Variants in ZIM2 observed in about 807,000 individuals in gnomAD.
The protein encoded by ZIM2 is zinc finger imprinted 2, also known as zinc finger protein 656.
In ZIM2, 14 loss-of-function variants were observed where a neutral mutation model predicts 38.6. The observed-to-expected ratio is 0.36, with a 90% confidence interval of 0.24 to 0.57. The LOEUF (loss-of-function observed/expected upper bound fraction) is 0.57. Among genes scored for constraint, ZIM2 ranks in the 20% least tolerant of loss-of-function variants. ZIM2 has a pLI of 0.81. For synonymous variants in ZIM2, 247 were observed against 245.8 expected (o/e 1.00, Z -0.04); for missense variants, 680 against 695.1 (o/e 0.98, Z 0.24).
At chr19:56,830,527 G>A (rs1287181998) in intron 2 of ZIM2, among the ~76,000 whole-genome samples, 3 of 152,134 alleles carry the variant, frequency 2.0e-5, no homozygotes. Context: ...TCTGGAAGTG[G>A]GGACAAGGAA....
At chr19:56,817,502 T>A (rs1362407666) in intron 9 of ZIM2, 1 of 1,612,366 alleles carries the variant, frequency 6.2e-7, no homozygotes, top group African/African-American at 1.3e-5. Context: ...TTTTCCATTA[T>A]CACTCCGTGG....
intron 9 of ZIM2, chr19:56,815,398 G>C (rs1600912949): frequency 6.2e-7 from 1 of 1,614,168 alleles, no homozygotes; most frequent in South Asian, 1.1e-5. Flanking sequence ...ACTTGTTTGA[G>C]GGTCAGTAGG....
At chr19:56,837,682 T>C (rs998691581) in intron 1 of ZIM2, among the ~76,000 whole-genome samples, 3 of 152,150 alleles carry the variant, frequency 2.0e-5, no homozygotes, top group African/African-American at 7.2e-5. Flanking sequence ...AAGGCTCCAG[T>C]GCAGGCCCCA....
intron 9 of ZIM2, among the ~76,000 whole-genome samples, chr19:56,797,753 T>C (rs371770682): frequency 6.6e-6 from 1 of 152,148 alleles, no homozygotes; most frequent in Non-Finnish European, 1.5e-5. Context: ...GGGACCACTT[T>C]TGGGGGATTG....
chr19:56,780,238 CTTTTTTCT>C (rs2046254775), intron 11 of ZIM2, among the ~76,000 whole-genome samples: 2 of 134,224 alleles, frequency 1.5e-5, no homozygotes, highest in Non-Finnish European at 3.1e-5. Context: ...TGCTTATTTT[CTTTTTTCT>C]TTTTTTTTTT....
intron 12 of ZIM2, among the ~76,000 whole-genome samples, chr19:56,776,206 A>G (rs2045999066): frequency 6.6e-6 from 1 of 152,148 alleles, no homozygotes; most frequent in Non-Finnish European, 1.5e-5. Flanking sequence ...AGATGCCACA[A>G]TTGTACAGAG....
chr19:56,800,490 C>G (rs1218768585), intron 9 of ZIM2, among the ~76,000 whole-genome samples: 1 of 151,938 alleles, frequency 6.6e-6, no homozygotes, highest in Non-Finnish European at 1.5e-5. Flanking sequence ...GTAAGAATTG[C>G]AATAATATAT....
intron 10 of ZIM2, chr19:56,782,334 T>C (rs2046369607): frequency 3.3e-6 from 2 of 597,232 alleles, no homozygotes; most frequent in Non-Finnish European, 5.7e-6. Flanking sequence ...GGGGGAAATA[T>C]CCTTTTAAGC....
Position 56,774,584 on chromosome 19 carries a change from A to C in ZIM2, c.*104T>G, listed in dbSNP as rs113122118. Reference sequence around the variant, plus strand: ...TTTACCACACTTTGATGAATGTTCAAGTTGTTAACAAGGTGGGGCTAGTGA... The same window carrying C: ...TTTACCACACTTTGATGAATGTTCACGTTGTTAACAAGGTGGGGCTAGTGA... On this transcript the variant is annotated 3_prime_UTR_variant, in exon 13 of 13. Transcript: ENST00000629319. 9.5e-6 allele frequency: 14 copies of C among 1,471,662 alleles called. No homozygotes were observed. In the African/African-American group the frequency reaches 1.6e-4, roughly 16 times the overall value. 91.2% of individuals were successfully genotyped at this position (1,471,662 alleles called of 1,614,324 possible). A position where few individuals can be genotyped will look rare whatever the true frequency, so the allele number is the denominator to read the frequency against.
intron 2 of ZIM2, among the ~76,000 whole-genome samples, chr19:56,829,587 A>C (rs1429245337): frequency 6.6e-6 from 1 of 152,212 alleles, no homozygotes; most frequent in Non-Finnish European, 1.5e-5. Flanking sequence ...AGGCAGGAAG[A>C]GGAAGTGCTG....
At chr19:56,789,727 A>T in intron 10 of ZIM2, 145 bp downstream of exon 10, 3 of 636,088 alleles carry the variant, frequency 4.7e-6, no homozygotes, top group Non-Finnish European at 7.1e-6. Context: ...ATGTCAGATT[A>T]GTCAGAAAAA....
intron 9 of ZIM2, chr19:56,811,444 A>G: frequency 2.1e-6 from 2 of 937,880 alleles, no homozygotes; most frequent in Non-Finnish European, 2.5e-6. Flanking sequence ...TTGCTACATA[A>G]CTCGTGATTA....
Position 56,786,456 on chromosome 19 carries a change from T to A in ZIM2, c.570+3416A>T, listed in dbSNP as rs148044631. 2.2e-3 allele frequency among the ~76,000 whole-genome samples: 331 copies of A among 152,290 alleles called. 2 individuals carry two copies. Among genetic ancestry groups the A allele is most frequent in the African/African-American group, 7.8e-3 (323 of 41,548 alleles). On this transcript the variant is annotated intron_variant, in intron 10 of 12. Transcript: ENST00000629319. Reference sequence around the variant, plus strand: ...GACACTACCAGAATCATTTGTATAATCTTGTACAACCTGAAAAAAGTTTTA... The same window carrying A: ...GACACTACCAGAATCATTTGTATAAACTTGTACAACCTGAAAAAAGTTTTA...
intron 9 of ZIM2, among the ~76,000 whole-genome samples, chr19:56,807,124 G>A (rs2047795309): frequency 6.6e-6 from 1 of 152,166 alleles, no homozygotes; most frequent in Non-Finnish European, 1.5e-5. Context: ...ATGAATTAAG[G>A]TGGCTTGGGA....
Position 56,814,005 on chromosome 19 carries a change from G to A in ZIM2, c.490+3741C>T, listed in dbSNP as rs369385559. On this transcript the variant is annotated intron_variant, in intron 9 of 12. Coordinates refer to ENST00000629319, the MANE Select transcript of ZIM2 (RefSeq NM_001387356.1). The surrounding 1 kb of genome is among the most constrained non-coding windows in gnomAD (Gnocchi z 5.8). ...CAATTCCCACACCGTCAGGCTCGTC[G>A]GCATCTCCCTCTGGCTCTTCAGCTT... The A allele has an allele frequency of 9.9e-6, 16 of 1,613,942 alleles. No individual in the cohort carries two copies. The highest frequency in any genetic ancestry group is 5.9e-6 in the Non-Finnish European group (7 of 1,179,946).
At chr19:56,802,541 AG>A (rs1479412373) in intron 9 of ZIM2, among the ~76,000 whole-genome samples, 1 of 152,212 alleles carries the variant, frequency 6.6e-6, no homozygotes, top group Non-Finnish European at 1.5e-5. Context: ...ACAATTAATG[AG>A]GTCACAGAAA....
At position 56,810,113 on chromosome 19, in the gene ZIM2, C is replaced by G. The variant is rs1237838054; in HGVS notation, c.490+7633G>C. On this transcript the variant is annotated intron_variant, in intron 9 of 12. Transcript: ENST00000629319. Reference sequence around the variant, plus strand: ...TTTAACTTTATTTTTATTGTTGACACTATTACAGATAGAATGACCACAACC... The same window carrying G: ...TTTAACTTTATTTTTATTGTTGACAGTATTACAGATAGAATGACCACAACC... 3 of 947,240 alleles carry G rather than the reference C, an allele frequency of 3.2e-6. No homozygotes were observed. The African/African-American group carries it at 5.3e-5, about 17-fold the overall frequency. The allele number at this position is 947,240 out of a possible 1,614,324, so 58.7% of individuals were successfully genotyped here.
chr19:56,813,670 T>C (rs2059697936), intron 9 of ZIM2: 1 of 1,609,588 alleles, frequency 6.2e-7, no homozygotes, highest in Admixed American at 1.7e-5. Flanking sequence ...CTTTACCCCA[T>C]GCCCTCAGCC....
chr19:56,821,043 G>C (rs917754878), intron 7 of ZIM2, among the ~76,000 whole-genome samples: 1 of 152,134 alleles, frequency 6.6e-6, no homozygotes, highest in Non-Finnish European at 1.5e-5. Context: ...CCCGGCACAT[G>C]CTGCCTCTTA....
Sources: allele counts gnomAD v4.1 joint callset (sites outside exome capture counted in the v4.1 genomes callset), GRCh38; gene constraint gnomAD v4.1.1; non-coding constraint Gnocchi (gnomAD v3.1); transcripts MANE v1.5; gene names NCBI Gene and HGNC (gene_info 2026-07-23, HGNC 2026-07-21).